SI: variants seen among roughly 807,000 people sequenced by gnomAD.
SI encodes sucrase-isomaltase, also known as sucrase-isomaltase, intestinal.
In SI, 235 loss-of-function variants were observed where a neutral mutation model predicts 253.3. The ratio of observed to expected loss-of-function variants is 0.93; its 90% CI spans 0.83 to 1.03. The LOEUF is 1.03. Ranked by LOEUF, SI falls within the 50% of genes least tolerant of loss-of-function variation. The pLI is 0.00. For synonymous variants in SI, 819 were observed against 712.0 expected, an observed-to-expected ratio of 1.15 and a Z score of -2.39; for missense variants, 2,442 against 2,211.1, an observed-to-expected ratio of 1.10 and a Z score of -2.09.
rs914372478 is a variant in SI at position 165,070,950 on chromosome 3, T to A, written c.256-1755A>T. Among the ~76,000 whole-genome samples, 17 of 152,176 alleles carry A rather than the reference T, an allele frequency of 1.1e-4. No homozygotes were observed. In the Middle Eastern group the frequency reaches 0.01, roughly 91 times the overall value. On this transcript the variant is annotated intron_variant, in intron 3 of 47. Coordinates refer to ENST00000264382, the MANE Select transcript of SI (RefSeq NM_001041.4). ...TCTAGCTTCTAGTGGCTCCTGGCAATCCTTGGCATTCCTTGGCTTATAGGC... is the reference window on the plus strand; with the variant it reads ...TCTAGCTTCTAGTGGCTCCTGGCAAACCTTGGCATTCCTTGGCTTATAGGC...
chr3:165,007,599 A>G (rs1718573690), intron 36 of SI, among the ~76,000 whole-genome samples: 1 of 151,892 alleles, frequency 6.6e-6, no homozygotes, highest in Non-Finnish European at 1.5e-5. Flanking sequence ...AACCAAAATA[A>G]CAACTTCAAA....
chr3:165,006,336 C>T (rs1463515418), intron 37 of SI, among the ~76,000 whole-genome samples: 1 of 152,092 alleles, frequency 6.6e-6, no homozygotes, highest in Non-Finnish European at 1.5e-5. Flanking sequence ...TCTTGAACTC[C>T]TGGTCTCAAT....
chr3:165,073,518 G>C (rs1451426831), intron 3 of SI, among the ~76,000 whole-genome samples: 1 of 151,954 alleles, frequency 6.6e-6, no homozygotes, highest in East Asian at 1.9e-4. Context: ...ATGATGTAGG[G>C]AAGACAGAAT....
chr3:165,040,796 A>G lies in SI; in HGVS notation c.2159+144T>C, dbSNP rs139044851. The G allele has an allele frequency of 2.9e-4, 190 of 644,160 alleles. 4 individuals carry two copies. In the Admixed American group the frequency reaches 4.6e-3, roughly 16 times the overall value. The allele number at this position is 644,160 out of a possible 1,614,324, so 39.9% of individuals were successfully genotyped here. A position where few individuals can be genotyped will look rare whatever the true frequency, so the allele number is the denominator to read the frequency against. ...TAATTATATTTACTGGCATCATTAT[A>G]TAGCTCTTCAAATCATTTACACCAA... On this transcript the variant is annotated intron_variant, in intron 18 of 47. Transcript: ENST00000264382.
chr3:165,046,818 A>G, intron 16 of SI, 23 bp downstream of exon 16: 2 of 1,579,264 alleles, frequency 1.3e-6, no homozygotes, highest in Non-Finnish European at 1.7e-6. Flanking sequence ...TTTTATGAGT[A>G]ACACTCTATG....
chr3:164,989,400 G>A (rs895957405), intron 44 of SI, among the ~76,000 whole-genome samples: 33 of 139,712 alleles, frequency 2.4e-4, no homozygotes, highest in African/African-American at 8.8e-4. Context: ...AAGAAAGAAA[G>A]AAAGAAAGAA....
rs150324804 is a variant in SI at position 164,992,542 on chromosome 3, T to C, written c.4842-145A>G. On this transcript the variant is annotated intron_variant, in intron 41 of 47. Transcript: ENST00000264382. ...AACTGTAAAAAAATTAAAAAATATATCAGTTGGAATGTAATAGTACAATGC... is the reference window on the plus strand; with the variant it reads ...AACTGTAAAAAAATTAAAAAATATACCAGTTGGAATGTAATAGTACAATGC... 165 of 636,976 alleles carry C rather than the reference T, an allele frequency of 2.6e-4. No homozygotes were observed. The African/African-American group carries it at 2.9e-3, about 11-fold the overall frequency. The allele number at this position is 636,976 out of a possible 1,614,324, so 39.5% of individuals were successfully genotyped here.
chr3:165,051,454 G>C (rs1181423371), intron 13 of SI, among the ~76,000 whole-genome samples: 1 of 151,860 alleles, frequency 6.6e-6, no homozygotes, highest in Non-Finnish European at 1.5e-5. Flanking sequence ...GAAATTGTCT[G>C]GAATGTTATA....
Position 165,017,678 on chromosome 3 carries a change from A to T in SI, c.3634-5T>A, listed in dbSNP as rs943010467. On this transcript the variant is annotated splice_region_variant and splice_polypyrimidine_tract_variant and intron_variant, in intron 30 of 47. Coordinates refer to ENST00000264382, the MANE Select transcript of SI (RefSeq NM_001041.4). Reference sequence around the variant, plus strand: ...CATGACTGGATGGCCAATTACCTTTAAAAAAAATTCATGTGTGAACTAAGA... The same window carrying T: ...CATGACTGGATGGCCAATTACCTTTTAAAAAAATTCATGTGTGAACTAAGA... 6.2e-7 allele frequency: 1 copy of T among 1,610,336 alleles called. No homozygotes were observed. The highest frequency in any genetic ancestry group is 8.5e-7 in the Non-Finnish European group (1 of 1,177,172).
chr3:165,080,231 T>A (rs892731871), upstream of SI, among the ~76,000 whole-genome samples: 3 of 152,020 alleles, frequency 2.0e-5, no homozygotes, highest in Non-Finnish European at 4.4e-5. Context: ...TCAAGAGAAA[T>A]AGTTAACAAG....
rs560337003 is a variant in SI at position 165,017,619 on chromosome 3, G to A, written c.3688C>T (p.Arg1230Cys). Residue 1230 changes from arginine (R) to cysteine (C), a missense_variant, in exon 31 of 48, where the codon CGT (arginine) becomes TGT (cysteine). Arg to Cys is a radical substitution (Grantham distance 180). Coordinates refer to ENST00000264382, the MANE Select transcript of SI (RefSeq NM_001041.4). ...TCTGAAGTATTTGCATATCCATAAC[G>A]ACATAATTGGAATCCCAAAGCCCAA... ...AYWALGFQLC[R>C]YGYANTSEVR... The A allele has an allele frequency of 5.6e-6, 9 of 1,612,184 alleles. No homozygotes were observed. In the East Asian group the frequency reaches 8.9e-5, roughly 16 times the overall value.
rs761963152 is a variant in SI, at chr3:165,051,563, G to A, written c.1513-1688C>T. Among the ~76,000 whole-genome samples, 9 of 151,922 alleles carry A rather than the reference G, an allele frequency of 5.9e-5. No individual in the cohort carries two copies. The South Asian group carries it at 6.2e-4, about 11-fold the overall frequency. On this transcript the variant is annotated intron_variant, in intron 13 of 47. Coordinates refer to ENST00000264382, the MANE Select transcript of SI (RefSeq NM_001041.4). ...AAACTACATTTTTCTTCATGATTCC[G>A]CCAATAACATTAAATTTTTAAAAAA...
chr3:165,089,809 A>G, the SI span, among the ~76,000 whole-genome samples: 2 of 148,118 alleles, frequency 1.4e-5, no homozygotes, highest in African/African-American at 2.5e-5. Flanking sequence ...TGGCCTAGGC[A>G]CTCTCTCCGT....
At position 165,019,591 on chromosome 3, in the gene SI, T is replaced by C. The variant is rs770815174; in HGVS notation, c.3423+11A>G. 3 of 1,611,650 alleles carry C rather than the reference T, an allele frequency of 1.9e-6. No homozygotes were observed. Among genetic ancestry groups the C allele is most frequent in the Non-Finnish European group, 2.5e-6 (3 of 1,178,322 alleles). On this transcript the variant is annotated intron_variant, in intron 28 of 47. Transcript: ENST00000264382. Reference sequence around the variant, plus strand: ...AGTTGCCTCGTGGAGTGGTCATATGTTGGTACCTACACCAGGGGGTTGGTC... The same window carrying C: ...AGTTGCCTCGTGGAGTGGTCATATGCTGGTACCTACACCAGGGGGTTGGTC...
intron 35 of SI, 88 bp downstream of exon 35, chr3:165,009,191 T>A: frequency 1.1e-6 from 1 of 874,878 alleles, no homozygotes. Flanking sequence ...TAAAATATTT[T>A]GTTGACATTA....
At chr3:165,003,633 A>G (rs1718360498) in intron 37 of SI, among the ~76,000 whole-genome samples, 1 of 152,098 alleles carries the variant, frequency 6.6e-6, no homozygotes, top group Admixed American at 6.6e-5. Flanking sequence ...AATGCTTTTT[A>G]TTCTTTTATC....
At chr3:165,007,642 A>G (rs887247582) in intron 36 of SI, among the ~76,000 whole-genome samples, 5 of 151,812 alleles carry the variant, frequency 3.3e-5, no homozygotes, top group Non-Finnish European at 7.4e-5. Context: ...TAGATAAAAT[A>G]TATTCCTTGA....
chr3:165,028,187 A>G (rs1421906251), intron 25 of SI, among the ~76,000 whole-genome samples: 2 of 151,416 alleles, frequency 1.3e-5, no homozygotes, highest in African/African-American at 4.8e-5. Context: ...CTCTTTTACA[A>G]TAGCTGCAGA....
chr3:165,021,491 TC>T, intron 26 of SI, 108 bp from the exon 27 acceptor site: 1 of 883,408 alleles, frequency 1.1e-6, no homozygotes, highest in Non-Finnish European at 1.8e-6. Flanking sequence ...AGAATTTTTC[TC>T]CACATAATTT....
Sources: gnomAD v4.1 joint callset for allele counts (sites outside exome capture counted in the v4.1 genomes callset) on GRCh38, gnomAD v4.1.1 for gene constraint, MANE v1.5 for transcripts, NCBI Gene and HGNC (gene_info 2026-07-23, HGNC 2026-07-21) for gene names.